Variants in ASTN1 observed in about 807,000 individuals in gnomAD.
The protein encoded by ASTN1 is astrotactin 1.
ASTN1 carries 41 observed loss-of-function variants against 140.7 expected under a neutral mutation model. The ratio of observed to expected loss-of-function variants is 0.29; its 90% CI spans 0.23 to 0.38. The LOEUF (loss-of-function observed/expected upper bound fraction) is 0.38. Among genes scored for constraint, ASTN1 ranks in the 10% least tolerant of loss-of-function variants. ASTN1 has a pLI of 1.00. For synonymous variants in ASTN1, 640 were observed against 652.2 expected, an observed-to-expected ratio of 0.98 and a Z score of 0.29; for missense variants, 1,479 against 1,678.8, an observed-to-expected ratio of 0.88 and a Z score of 2.08.
At chr1:177,023,981 G>A (rs149563820) in intron 6 of ASTN1, among the ~76,000 whole-genome samples, 6 of 152,314 alleles carry the variant, frequency 3.9e-5, no homozygotes, top group African/African-American at 1.4e-4. Flanking sequence ...CTCTAACACT[G>A]CGTGAACAGT....
At chr1:177,133,318 A>T (rs1488889716) in intron 1 of ASTN1, among the ~76,000 whole-genome samples, 1 of 152,246 alleles carries the variant, frequency 6.6e-6, no homozygotes, top group Non-Finnish European at 1.5e-5. Flanking sequence ...TGAATTCAAA[A>T]CAGGGTCTGT....
At chr1:177,114,420 C>CATATATAT (rs533026030) in intron 1 of ASTN1, among the ~76,000 whole-genome samples, 2,374 of 150,090 alleles carry the variant, frequency 0.016, 26 homozygotes, top group Non-Finnish European at 0.02. Flanking sequence ...GAATGGTGCA[C>CATATATAT]ATATATATAT....
intron 8 of ASTN1, among the ~76,000 whole-genome samples, chr1:176,966,293 C>T (rs1369168004): frequency 6.6e-6 from 1 of 151,976 alleles, no homozygotes; most frequent in East Asian, 1.9e-4. Context: ...AGGGTATCAC[C>T]CCATAGAGGG....
chr1:176,979,469 C>T (rs1673512119), intron 8 of ASTN1, among the ~76,000 whole-genome samples: 1 of 152,120 alleles, frequency 6.6e-6, no homozygotes, highest in Non-Finnish European at 1.5e-5. Context: ...TCAGAGAGGC[C>T]CCGGTTCCCC....
At chr1:177,028,538 T>TA (rs1676251404) in intron 5 of ASTN1, among the ~76,000 whole-genome samples, 1 of 152,178 alleles carries the variant, frequency 6.6e-6, no homozygotes, top group Non-Finnish European at 1.5e-5. Context: ...TACGAGAGAA[T>TA]AAAAATGTAT....
chr1:176,909,278 A>G lies in ASTN1; in HGVS notation c.2672-14448T>C, dbSNP rs558890972. Among the ~76,000 whole-genome samples, 9 of 152,348 alleles carry G rather than the reference A, an allele frequency of 5.9e-5. No individual in the cohort carries two copies. In the South Asian group the frequency reaches 1.5e-3, roughly 25 times the overall value. The stretch of plus-strand genomic sequence containing the variant: ...GTTAAATGCATAACTAGTTGGTGAC[A>G]ATGGGCTTCCATGTAAAGTTTTGAT... On this transcript the variant is annotated intron_variant, in intron 16 of 22. Coordinates refer to ENST00000361833, the MANE Select transcript of ASTN1 (RefSeq NM_004319.3).
rs142973344 is a variant in ASTN1 at position 177,105,578 on chromosome 1, A to T, written c.284-44313T>A. Among the ~76,000 whole-genome samples, 19 of 152,148 alleles carry T rather than the reference A, an allele frequency of 1.2e-4. No individual in the cohort carries two copies. In the East Asian group the frequency reaches 3.7e-3, roughly 29 times the overall value. The stretch of plus-strand genomic sequence containing the variant: ...ATTAAGACCCCTCTTTCCCACCATA[A>T]CTAACATGGTCATCCCACTGTAAAT... On this transcript the variant is annotated intron_variant, in intron 1 of 22. Transcript: ENST00000361833.
intron 11 of ASTN1, among the ~76,000 whole-genome samples, chr1:176,954,323 A>G (rs1672313546): frequency 6.6e-6 from 1 of 152,234 alleles, no homozygotes; most frequent in Non-Finnish European, 1.5e-5. Context: ...GATGTGCTAC[A>G]GAAAAATGGT....
intron 21 of ASTN1, among the ~76,000 whole-genome samples, chr1:176,872,023 C>G (rs1447669535): frequency 6.6e-6 from 1 of 152,136 alleles, no homozygotes; most frequent in Non-Finnish European, 1.5e-5. Context: ...GACTGAGGCT[C>G]TCAGACCCAG....
intron 2 of ASTN1, among the ~76,000 whole-genome samples, chr1:177,045,323 G>C (rs1473179422): frequency 2.6e-5 from 4 of 152,162 alleles, no homozygotes. Context: ...TCTAGCACGG[G>C]GCTGACACTC....
At chr1:176,994,911 G>A (rs1674366766) in intron 8 of ASTN1, among the ~76,000 whole-genome samples, 1 of 152,074 alleles carries the variant, frequency 6.6e-6, no homozygotes, top group Non-Finnish European at 1.5e-5. Context: ...GACACAGAAA[G>A]TCATCAATAA....
At chr1:176,871,282 C>T (rs1399603111) in intron 21 of ASTN1, among the ~76,000 whole-genome samples, 1 of 152,070 alleles carries the variant, frequency 6.6e-6, no homozygotes, top group Non-Finnish European at 1.5e-5. Flanking sequence ...AAGCAAGGAG[C>T]GCTTGCTGAG....
intron 15 of ASTN1, among the ~76,000 whole-genome samples, chr1:176,935,150 C>T (rs1290594814): frequency 1.3e-5 from 2 of 152,156 alleles, no homozygotes; most frequent in African/African-American, 4.8e-5. Flanking sequence ...ATCTAGCTAG[C>T]TTTTCACGGT....
At chr1:176,935,010 C>CT (rs992056331) in intron 15 of ASTN1, among the ~76,000 whole-genome samples, 46 of 152,216 alleles carry the variant, frequency 3.0e-4, no homozygotes, top group Admixed American at 1.5e-3. Flanking sequence ...GAAGAGAAAA[C>CT]TTGTTGGCCT....
chr1:176,880,136 T>A (rs1360396382), intron 20 of ASTN1, among the ~76,000 whole-genome samples: 1 of 152,196 alleles, frequency 6.6e-6, no homozygotes, highest in African/African-American at 2.4e-5. Flanking sequence ...CTTCTTCCAC[T>A]GCTGCCTGGC....
At chr1:176,909,175 A>G (rs1670124027) in intron 16 of ASTN1, among the ~76,000 whole-genome samples, 1 of 152,226 alleles carries the variant, frequency 6.6e-6, no homozygotes, top group South Asian at 2.1e-4. Context: ...ATGGGCCCAC[A>G]TGAACTCTGC....
intron 11 of ASTN1, among the ~76,000 whole-genome samples, chr1:176,951,820 A>T (rs560063521): frequency 2.0e-5 from 3 of 152,344 alleles, no homozygotes; most frequent in African/African-American, 7.2e-5. Flanking sequence ...CTTATCAATA[A>T]AGCCAAAAAT....
At chr1:177,160,338 C>T (rs1172219557) in intron 1 of ASTN1, among the ~76,000 whole-genome samples, 1 of 152,190 alleles carries the variant, frequency 6.6e-6, no homozygotes, top group African/African-American at 2.4e-5. Context: ...CTTTTAACCG[C>T]CACACTTGCC....
chr1:177,147,571 T>A (rs992102715), intron 1 of ASTN1, among the ~76,000 whole-genome samples: 1 of 152,122 alleles, frequency 6.6e-6, no homozygotes. Context: ...CTAAGACGTA[T>A]AAGGCAGAAT....
Sources: gnomAD v4.1 joint callset for allele counts (sites outside exome capture counted in the v4.1 genomes callset) on GRCh38, gnomAD v4.1.1 for gene constraint, MANE v1.5 for transcripts, NCBI Gene and HGNC (gene_info 2026-07-23, HGNC 2026-07-21) for gene names.